DMXL1: variants seen among roughly 807,000 people sequenced by gnomAD.
DMXL1 encodes the protein Dmx like 1, also known as dmX-like protein 1.
A neutral mutation model predicts 319.2 loss-of-function variants in DMXL1; 99 were observed. That is an observed-to-expected ratio of 0.31 (90% CI 0.26 to 0.37). The LOEUF (loss-of-function observed/expected upper bound fraction) is 0.37. Among genes scored for constraint, DMXL1 ranks in the 10% least tolerant of loss-of-function variants. The pLI is 1.00. For missense variants in DMXL1, 3,745 were observed against 3,595.6 expected, an observed-to-expected ratio of 1.04 and a Z score of -1.06; for synonymous variants, 1,385 against 1,235.2, an observed-to-expected ratio of 1.12 and a Z score of -2.54.
At chr5:119,220,727 G>T in intron 36 of DMXL1, 134 bp downstream of exon 36, 1 of 1,223,850 alleles carries the variant, frequency 8.2e-7, no homozygotes, top group African/African-American at 1.5e-5. Flanking sequence ...TGCTAAATGA[G>T]GGGTGGCAAG....
At chr5:119,115,989 A>G (rs1276360542) in intron 6 of DMXL1, among the ~76,000 whole-genome samples, 169 bp from the exon 7 acceptor site, 2 of 152,210 alleles carry the variant, frequency 1.3e-5, no homozygotes, top group Non-Finnish European at 2.9e-5. Flanking sequence ...CAGTTAGGCA[A>G]TGCTAATAGA....
rs748503260 is a variant in DMXL1, at chr5:119,079,690, A to T, written c.87+8034A>T. Among the ~76,000 whole-genome samples, 100 of 151,908 alleles carry T rather than the reference A, an allele frequency of 6.6e-4. 1 individual carries two copies. Among genetic ancestry groups the T allele is most frequent in the Middle Eastern group, 6.8e-3 (2 of 294 alleles). The stretch of plus-strand genomic sequence containing the variant: ...TTTCTCTTTGGCATTTGTCATGTTG[A>T]TCATTTTCTCCTTAGTCACTGGTAA... On this transcript the variant is annotated intron_variant, in intron 1 of 43. Coordinates refer to ENST00000539542, the MANE Select transcript of DMXL1 (RefSeq NM_001290321.3).
At chr5:119,139,115 A>G (rs1766688750) in intron 13 of DMXL1, 1 of 152,232 alleles carries the variant, frequency 6.6e-6, no homozygotes, top group South Asian at 2.1e-4. Context: ...TTTGCCTTAC[A>G]AGAGGTCTTG....
intron 9 of DMXL1, among the ~76,000 whole-genome samples, chr5:119,125,681 C>G (rs1763379729): frequency 1.3e-5 from 2 of 152,006 alleles, no homozygotes; most frequent in Admixed American, 6.6e-5. Flanking sequence ...TCTCCTGCCT[C>G]TGCCTCCCAA....
In DMXL1 at chr5:119,178,127, A is replaced by G; in HGVS notation, c.7018A>G (p.Ser2340Gly). 6.2e-7 allele frequency: 1 copy of G among 1,613,978 alleles called. No homozygotes were observed. The highest frequency in any genetic ancestry group is 8.5e-7 in the Non-Finnish European group (1 of 1,179,866). ...CATCCATGGCCTGGCCACACATTCA[A>G]GTAATGAGCTATTTCGGATTGTGGC... ...LFIHGLATHS[S>G]NELFRIVAHP... Residue 2340 changes from serine to glycine, a missense_variant, in exon 28 of 44, where the codon AGT becomes GGT. Physicochemically the swap from Ser to Gly is moderately conservative, Grantham distance 56. Around this residue, in one of 4 missense-constraint regions of DMXL1, gnomAD observed 1,382 missense variants for 1,269.5 expected, o/e 1.09. Transcript: ENST00000539542.
chr5:119,173,085 TC>T (rs1774913559), intron 25 of DMXL1, among the ~76,000 whole-genome samples: 1 of 152,148 alleles, frequency 6.6e-6, no homozygotes, highest in Non-Finnish European at 1.5e-5. Flanking sequence ...ACGCCTCTAA[TC>T]CCAGCATTTT....
At chr5:119,244,621 G>A (rs757125156) in intron 43 of DMXL1, 45 bp downstream of exon 43, 1 of 1,452,260 alleles carries the variant, frequency 6.9e-7, no homozygotes, top group South Asian at 1.2e-5. Flanking sequence ...GAAATCTTCA[G>A]AAACCTTAGC....
rs138638428 is a variant in DMXL1, at chr5:119,207,434, T to A, written c.7926+538T>A. On this transcript the variant is annotated intron_variant, in intron 34 of 43. Transcript: ENST00000539542. ...ATACATAGTAAGTACTCATGGTACT[T>A]GAGAACCAAAGCACAAAAGATGAGA... is the stretch of plus-strand genomic sequence containing the variant. 5.5e-3 allele frequency among the ~76,000 whole-genome samples: 836 copies of A among 152,264 alleles called. 8 individuals are homozygous for A. The highest frequency in any genetic ancestry group is 0.019 in the African/African-American group (794 of 41,540).
intron 15 of DMXL1, 27 bp from the exon 16 acceptor site, chr5:119,146,810 A>G: frequency 1.3e-6 from 2 of 1,599,066 alleles, no homozygotes; most frequent in Admixed American, 1.8e-5. Context: ...ACATAGTAAC[A>G]GTGAAAAATA....
Position 119,149,770 on chromosome 5 carries a change from G to A in DMXL1, c.3943G>A (p.Ala1315Thr). ...DMEDSGLFEA[A>T]HVLSPTLPQY... The stretch of plus-strand genomic sequence containing the variant: ...GGAAGATTCAGGTCTTTTTGAAGCA[G>A]CTCATGTACTTTCCCCGACTCTACC... Residue 1315 changes from alanine (A) to threonine (T), a missense_variant, in exon 18 of 44, where the codon GCT becomes ACT. Physicochemically the swap from Ala to Thr is moderately conservative, Grantham distance 58. Coordinates refer to ENST00000539542, the MANE Select transcript of DMXL1 (RefSeq NM_001290321.3). 1 of 1,613,922 alleles carries A rather than the reference G, an allele frequency of 6.2e-7. No homozygotes were observed. Among genetic ancestry groups the A allele is most frequent in the Non-Finnish European group, 8.5e-7 (1 of 1,179,918 alleles).
At chr5:119,242,634 C>T (rs765725555) in intron 42 of DMXL1, among the ~76,000 whole-genome samples, 48 of 152,140 alleles carry the variant, frequency 3.2e-4, no homozygotes, top group Non-Finnish European at 6.6e-4. Context: ...TATGGGAAAG[C>T]AAAGGAATAG....
intron 8 of DMXL1, among the ~76,000 whole-genome samples, chr5:119,119,312 T>C (rs1283012268): frequency 6.6e-6 from 1 of 152,170 alleles, no homozygotes; most frequent in Non-Finnish European, 1.5e-5. Flanking sequence ...ATAACTTATT[T>C]TTTCTTTCTT....
chr5:119,134,490 A>G (rs1388922721), intron 13 of DMXL1, 101 bp downstream of exon 13: 11 of 1,020,478 alleles, frequency 1.1e-5, no homozygotes, highest in Non-Finnish European at 1.5e-5. Flanking sequence ...ATAATTTGTA[A>G]TAAGCATTTG....
chr5:119,080,766 A>T (rs958968476), intron 1 of DMXL1, among the ~76,000 whole-genome samples: 5 of 152,160 alleles, frequency 3.3e-5, no homozygotes, highest in African/African-American at 1.2e-4. Flanking sequence ...ATTTTACTGT[A>T]CTTTTCTAGT....
chr5:119,144,716 T>C, intron 15 of DMXL1, 78 bp downstream of exon 15: 1 of 843,530 alleles, frequency 1.2e-6, no homozygotes, highest in Non-Finnish European at 1.8e-6. Flanking sequence ...ATTGGTAAAA[T>C]GCTTTACATT....
At chr5:119,241,534 C>CAA (rs35739845) in intron 42 of DMXL1, among the ~76,000 whole-genome samples, 736 of 57,432 alleles carry the variant, frequency 0.013, 16 homozygotes, top group African/African-American at 0.039. Flanking sequence ...GACTCCGTCT[C>CAA]AAAAAAAAAA....
intron 1 of DMXL1, among the ~76,000 whole-genome samples, chr5:119,076,200 G>A (rs938324798): frequency 2.1e-4 from 32 of 152,144 alleles, no homozygotes; most frequent in African/African-American, 6.8e-4. Context: ...AGAAAACTCA[G>A]TGTTTCTAGC....
chr5:119,076,004 CT>C (rs1429503734), intron 1 of DMXL1, among the ~76,000 whole-genome samples: 1 of 150,182 alleles, frequency 6.7e-6, no homozygotes, highest in African/African-American at 2.4e-5. Flanking sequence ...TTTTCTTTTT[CT>C]TTTGTGGTTT....
chr5:119,228,627 T>A (rs1786051990), intron 38 of DMXL1, among the ~76,000 whole-genome samples: 1 of 152,226 alleles, frequency 6.6e-6, no homozygotes, highest in Non-Finnish European at 1.5e-5. Flanking sequence ...ATTTTAACAT[T>A]CTTCTTTTTA....
Sources: allele counts gnomAD v4.1 joint callset (sites outside exome capture counted in the v4.1 genomes callset), GRCh38; gene constraint gnomAD v4.1.1; regional missense constraint gnomAD v4.1.1; transcripts MANE v1.5; gene names NCBI Gene and HGNC (gene_info 2026-07-23, HGNC 2026-07-21).